ROBO2: variants seen among roughly 807,000 people sequenced by gnomAD.
The protein encoded by ROBO2 is roundabout homolog 2.
In ROBO2, 53 loss-of-function variants were observed where a neutral mutation model predicts 160.8. The ratio of observed to expected loss-of-function variants is 0.33; its 90% CI spans 0.26 to 0.41. ROBO2 has a LOEUF of 0.41. Among genes scored for constraint, ROBO2 ranks in the 10% least tolerant of loss-of-function variants. ROBO2 has a pLI of 1.00. For synonymous variants in ROBO2, 664 were observed against 611.7 expected, an observed-to-expected ratio of 1.09 and a Z score of -1.26; for missense variants, 1,577 against 1,722.4, an observed-to-expected ratio of 0.92 and a Z score of 1.49.
intron 2 of ROBO2, among the ~76,000 whole-genome samples, chr3:76,398,519 T>G (rs1221352031): frequency 6.6e-6 from 1 of 151,648 alleles, no homozygotes; most frequent in East Asian, 1.9e-4. Context: ...GCTGTATGTA[T>G]TAGTTACGAT....
intron 2 of ROBO2, among the ~76,000 whole-genome samples, chr3:77,202,175 G>A (rs534617959): frequency 6.6e-6 from 1 of 152,260 alleles, no homozygotes; most frequent in African/African-American, 2.4e-5. Context: ...CCATCCAACT[G>A]TGAAACTACT....
At chr3:77,281,914 G>A (rs902427645) in intron 2 of ROBO2, among the ~76,000 whole-genome samples, 8 of 152,132 alleles carry the variant, frequency 5.3e-5, no homozygotes, top group Non-Finnish European at 1.0e-4. Flanking sequence ...GACAGGAGGC[G>A]GAGCTCAGGC....
chr3:77,501,404 C>T (rs983673995), intron 5 of ROBO2, among the ~76,000 whole-genome samples: 12 of 152,182 alleles, frequency 7.9e-5, no homozygotes, highest in African/African-American at 2.9e-4. Context: ...TTTAATCACC[C>T]CAGGGGTTAT....
chr3:77,296,161 G>T (rs1560472351), intron 2 of ROBO2, among the ~76,000 whole-genome samples: 2 of 151,578 alleles, frequency 1.3e-5, no homozygotes, highest in Non-Finnish European at 2.9e-5. Flanking sequence ...ACGGCTAAAC[G>T]AGTAAGCTGA....
At chr3:75,959,690 G>T (rs900884290) in intron 2 of ROBO2, among the ~76,000 whole-genome samples, 2 of 151,482 alleles carry the variant, frequency 1.3e-5, no homozygotes, top group African/African-American at 4.8e-5. Flanking sequence ...TAGAAAGCTA[G>T]GTTTTTATTT....
chr3:76,953,215 C>T (rs1254160711), intron 2 of ROBO2, among the ~76,000 whole-genome samples: 3 of 152,078 alleles, frequency 2.0e-5, no homozygotes, highest in Admixed American at 6.5e-5. Flanking sequence ...TCTTGAAGGT[C>T]GCACACACAA....
rs184884091 is a variant in ROBO2, at chr3:75,987,118, G to C, written c.109+49516G>C. Among the ~76,000 whole-genome samples the C allele has an allele frequency of 2.0e-4, 30 of 151,774 alleles. 1 individual carries two copies. Among genetic ancestry groups the C allele is most frequent in the African/African-American group, 7.0e-4 (29 of 41,470 alleles). On this transcript the variant is annotated intron_variant, in intron 2 of 26. Coordinates refer to the ROBO2 transcript ENST00000487694. The stretch of plus-strand genomic sequence containing the variant: ...TTTCTATAAAAATTGTTGAAGTTTT[G>C]AAAGGCATAGTATTTAATGTTAAGA...
At chr3:76,515,242 T>C (rs530857883) in intron 2 of ROBO2, among the ~76,000 whole-genome samples, 5 of 152,292 alleles carry the variant, frequency 3.3e-5, no homozygotes, top group African/African-American at 1.2e-4. Context: ...TCTCGCCTTC[T>C]TCCTCCCTGA....
rs182334307 is a variant in ROBO2 at position 76,591,078 on chromosome 3, C to G, written c.110-506936C>G. Among the ~76,000 whole-genome samples, 117 of 152,178 alleles carry G rather than the reference C, an allele frequency of 7.7e-4. No homozygotes were observed. The Middle Eastern group carries it at 0.01, about 13-fold the overall frequency. ...AAAATCCATGTATAACTTTTGACTG[C>G]CCCAAAACTTAACTACTAATAGCCT... On this transcript the variant is annotated intron_variant, in intron 2 of 26. Transcript: ENST00000487694.
intron 2 of ROBO2, among the ~76,000 whole-genome samples, chr3:76,968,549 A>G (rs1369498845): frequency 1.3e-5 from 2 of 152,202 alleles, no homozygotes; most frequent in Non-Finnish European, 2.9e-5. Flanking sequence ...AAATAAAATA[A>G]CAATTATTCT....
intron 2 of ROBO2, among the ~76,000 whole-genome samples, chr3:76,417,576 A>C (rs1378912638): frequency 6.6e-6 from 1 of 152,164 alleles, no homozygotes; most frequent in Admixed American, 6.5e-5. Context: ...AATGGCATGA[A>C]AAAAAGGAGG....
At chr3:76,747,013 T>C (rs2093905017) in intron 2 of ROBO2, among the ~76,000 whole-genome samples, 1 of 152,150 alleles carries the variant, frequency 6.6e-6, no homozygotes, top group Non-Finnish European at 1.5e-5. Context: ...TAGTATTCCA[T>C]GGTGTATATG....
intron 2 of ROBO2, among the ~76,000 whole-genome samples, chr3:76,796,482 GGGAAGGAA>G (rs149627183): frequency 2.9e-5 from 4 of 137,156 alleles, no homozygotes; most frequent in African/African-American, 1.1e-4. Context: ...GAAGGAAGGA[GGGAAGGAA>G]GGAAGGAAGG....
chr3:75,961,581 A>AAAC (rs1948911721), intron 2 of ROBO2, among the ~76,000 whole-genome samples: 1 of 151,684 alleles, frequency 6.6e-6, no homozygotes, highest in African/African-American at 2.4e-5. Context: ...AGGGTGTAGC[A>AAAC]TTCTTTATAA....
intron 12 of ROBO2, among the ~76,000 whole-genome samples, chr3:77,566,558 G>A (rs554033511): frequency 2.0e-5 from 3 of 152,048 alleles, no homozygotes; most frequent in Non-Finnish European, 2.9e-5. Flanking sequence ...TTTGTGTGTA[G>A]CCAGTGAAAC....
chr3:76,862,099 G>A (rs2070844230), intron 2 of ROBO2, among the ~76,000 whole-genome samples: 1 of 152,020 alleles, frequency 6.6e-6, no homozygotes, highest in Non-Finnish European at 1.5e-5. Flanking sequence ...AGGAAAGAAA[G>A]AAGGAAGGAA....
intron 2 of ROBO2, among the ~76,000 whole-genome samples, chr3:77,397,865 T>C (rs910921043): frequency 5.3e-5 from 8 of 152,220 alleles, no homozygotes; most frequent in African/African-American, 1.9e-4. Context: ...TGCAAAACCG[T>C]TTATTTACTA....
chr3:77,457,052 C>T (rs1424750983), intron 2 of ROBO2, among the ~76,000 whole-genome samples: 3 of 152,188 alleles, frequency 2.0e-5, no homozygotes, highest in Non-Finnish European at 4.4e-5. Flanking sequence ...CCCTCCAGCC[C>T]TTTAAAAGTC....
chr3:76,283,480 C>G (rs1270482309), intron 2 of ROBO2, among the ~76,000 whole-genome samples: 1 of 151,798 alleles, frequency 6.6e-6, no homozygotes, highest in African/African-American at 2.4e-5. Context: ...AAAAATCAAG[C>G]AGTTTTCGTA....
Sources: allele counts gnomAD v4.1 joint callset (sites outside exome capture counted in the v4.1 genomes callset), GRCh38; gene constraint gnomAD v4.1.1; transcripts MANE v1.5; gene names NCBI Gene and HGNC (gene_info 2026-07-23, HGNC 2026-07-21).